BIRC6: variants seen among roughly 807,000 people sequenced by gnomAD.
BIRC6 encodes baculoviral IAP repeat containing 6.
BIRC6 carries 98 observed loss-of-function variants against 503.3 expected under a neutral mutation model. The ratio of observed to expected loss-of-function variants is 0.19; its 90% CI spans 0.17 to 0.23. BIRC6 has a LOEUF of 0.23. BIRC6 is among the 10% of genes least tolerant of loss of function. The pLI is 1.00. For missense variants in BIRC6, 5,360 were observed against 5,806.0 expected, an observed-to-expected ratio of 0.92 and a Z score of 2.50; for synonymous variants, 2,240 against 2,078.7, an observed-to-expected ratio of 1.08 and a Z score of -2.11.
Position 32,470,875 on chromosome 2 carries a change from T to C in BIRC6, c.6482-139T>C, listed in dbSNP as rs370906169. Reference sequence around the variant, plus strand: ...TGTTGGTGTCTATTTTTTAGACTTATTACATATAAATATTAGTGTTAGTAA... The same window carrying C: ...TGTTGGTGTCTATTTTTTAGACTTACTACATATAAATATTAGTGTTAGTAA... On this transcript the variant is annotated intron_variant, in intron 31 of 73. Coordinates refer to ENST00000421745, the MANE Select transcript of BIRC6 (RefSeq NM_016252.4). 1.1e-4 allele frequency: 93 copies of C among 839,752 alleles called. No individual in the cohort carries two copies. The East Asian group carries it at 2.3e-3, about 21-fold the overall frequency. 52.0% of individuals were successfully genotyped at this position (839,752 alleles called of 1,614,324 possible).
rs1216683701 is a variant in BIRC6, at chr2:32,454,915, T to C, written c.4753+973T>C. 2.0e-5 allele frequency among the ~76,000 whole-genome samples: 3 copies of C among 152,224 alleles called. No individual in the cohort carries two copies. In the East Asian group the frequency reaches 5.8e-4, roughly 29 times the overall value. ...AAAACCTAATATTTCCTTTATATGGTGATTCTAGAAAGGTCAGAATTAATT... is the reference window on the plus strand; with the variant it reads ...AAAACCTAATATTTCCTTTATATGGCGATTCTAGAAAGGTCAGAATTAATT... On this transcript the variant is annotated intron_variant, in intron 23 of 73. Transcript: ENST00000421745.
intron 65 of BIRC6, among the ~76,000 whole-genome samples, chr2:32,559,115 C>G: frequency 6.6e-6 from 1 of 152,130 alleles, no homozygotes; most frequent in Non-Finnish European, 1.5e-5. Context: ...CTACCAGTTA[C>G]TACTATAAAA....
At position 32,401,195 on chromosome 2, in the gene BIRC6, C is replaced by T; in HGVS notation, c.1067C>T (p.Pro356Leu). 6.2e-7 allele frequency: 1 copy of T among 1,613,976 alleles called. No homozygotes were observed. The highest frequency in any genetic ancestry group is 1.3e-5 in the African/African-American group (1 of 75,040). Residue 356 changes from proline (P) to leucine (L), a missense_variant, in exon 7 of 74, where the codon CCA becomes CTA. Physicochemically the swap from Pro to Leu is moderately conservative, Grantham distance 98 (BLOSUM62 -3). Transcript: ENST00000421745. Reference protein sequence around the residue: ...SEHERHSPNCPFVKGEHTQNV... With the variant: ...SEHERHSPNCLFVKGEHTQNV... ...CACGAAAGACATTCCCCAAACTGCC[C>T]ATTTGTGAAAGGTGAGCACACACAG...
intron 8 of BIRC6, among the ~76,000 whole-genome samples, chr2:32,402,892 A>G (rs967989830): frequency 6.6e-6 from 1 of 152,208 alleles, no homozygotes; most frequent in South Asian, 2.1e-4. Flanking sequence ...CTAGGATTAC[A>G]TACACCCATA....
chr2:32,504,977 T>C lies in BIRC6; in HGVS notation c.9500-28T>C, dbSNP rs376072207. 1.3e-5 allele frequency: 21 copies of C among 1,570,586 alleles called. No homozygotes were observed. The East Asian group carries it at 2.3e-4, about 17-fold the overall frequency. On this transcript the variant is annotated intron_variant, in intron 49 of 73. Coordinates refer to ENST00000421745, the MANE Select transcript of BIRC6 (RefSeq NM_016252.4). ...TTATTATGTTTCTTTTGCAAGTTCTTATAATTTATGTAAAATATCTTCTCT... is the reference window on the plus strand; with the variant it reads ...TTATTATGTTTCTTTTGCAAGTTCTCATAATTTATGTAAAATATCTTCTCT...
intron 61 of BIRC6, among the ~76,000 whole-genome samples, chr2:32,538,488 G>C (rs2057409889): frequency 6.6e-6 from 1 of 152,072 alleles, no homozygotes; most frequent in African/African-American, 2.4e-5. Flanking sequence ...GAGAAATAAG[G>C]GAAAAATCAA....
At chr2:32,615,892 G>A (rs1572426271) in intron 73 of BIRC6, among the ~76,000 whole-genome samples, 1 of 152,080 alleles carries the variant, frequency 6.6e-6, no homozygotes, top group East Asian at 1.9e-4. Context: ...CATGGCCTCC[G>A]AAAGTGCTGG....
intron 1 of BIRC6, among the ~76,000 whole-genome samples, chr2:32,358,071 G>C (rs1160396952): frequency 7.0e-6 from 1 of 142,746 alleles, no homozygotes; most frequent in African/African-American, 2.6e-5. Context: ...TGGTGGGGGT[G>C]GGGAGGGAAG....
chr2:32,611,253 A>G (rs1415100991), intron 72 of BIRC6, among the ~76,000 whole-genome samples, 195 bp from the exon 73 acceptor site: 1 of 151,874 alleles, frequency 6.6e-6, no homozygotes. Flanking sequence ...ATGGATAGAA[A>G]AACATTGCAG....
At chr2:32,493,263 G>A (rs559621355) in intron 44 of BIRC6, among the ~76,000 whole-genome samples, 3 of 151,934 alleles carry the variant, frequency 2.0e-5, no homozygotes, top group African/African-American at 7.2e-5. Context: ...GTGTAATTCA[G>A]GTGAACTTTT....
rs746439631 is a variant in BIRC6 at position 32,510,560 on chromosome 2, T to C, written c.10272T>C (p.Asn3424=). The change falls in exon 53 of 74, where the codon AAT becomes AAC. Residue 3424 remains asparagine, a synonymous_variant. Coordinates refer to ENST00000421745, the MANE Select transcript of BIRC6 (RefSeq NM_016252.4). ...LNSPLLFGRL[N]GLSSDSTIDI... ...GTCCTTTACTTTTTGGAAGACTAAA[T>C]GGACTCTCTTCTGACTCTACGATAG... The C allele has an allele frequency of 3.1e-6, 5 of 1,608,926 alleles. No homozygotes were observed. Among genetic ancestry groups the C allele is most frequent in the Non-Finnish European group, 4.3e-6 (5 of 1,175,396 alleles).
intron 10 of BIRC6, among the ~76,000 whole-genome samples, chr2:32,419,013 C>T (rs1023320888): frequency 3.3e-5 from 5 of 152,104 alleles, no homozygotes; most frequent in African/African-American, 4.8e-5. Context: ...TGGTACAGTC[C>T]GGAATTCCTA....
At chr2:32,549,015 C>G in intron 64 of BIRC6, 1 of 188,804 alleles carries the variant, frequency 5.3e-6, no homozygotes, top group Non-Finnish European at 1.1e-5. Context: ...TGAATTGAGT[C>G]TATTCAATAA....
At chr2:32,462,837 T>C (rs1249276579) in intron 23 of BIRC6, among the ~76,000 whole-genome samples, 7 of 151,154 alleles carry the variant, frequency 4.6e-5, no homozygotes, top group Non-Finnish European at 7.4e-5. Flanking sequence ...ATGCCTCTAA[T>C]CCCAGCTACT....
intron 1 of BIRC6, among the ~76,000 whole-genome samples, chr2:32,376,929 T>G (rs1203274507): frequency 2.0e-5 from 3 of 152,188 alleles, no homozygotes; most frequent in African/African-American, 7.2e-5. Flanking sequence ...GTTTTTGGGC[T>G]TCTATTGACT....
intron 9 of BIRC6, among the ~76,000 whole-genome samples, chr2:32,413,118 A>G (rs2149980192): frequency 6.6e-6 from 1 of 150,422 alleles, no homozygotes; most frequent in East Asian, 2.0e-4. Context: ...AGGTTATTCT[A>G]GTGCCTCAGC....
At chr2:32,562,016 T>C (rs899028251) in intron 65 of BIRC6, among the ~76,000 whole-genome samples, 4 of 152,096 alleles carry the variant, frequency 2.6e-5, no homozygotes, top group Non-Finnish European at 4.4e-5. Context: ...CACTCCAGCC[T>C]GAGTGACAGA....
intron 61 of BIRC6, among the ~76,000 whole-genome samples, chr2:32,537,370 C>T (rs896651418): frequency 6.6e-6 from 1 of 152,152 alleles, no homozygotes; most frequent in African/African-American, 2.4e-5. Context: ...AAGTAAAGCA[C>T]TCCTCAGCAA....
chr2:32,455,933 G>A (rs1274443420), intron 23 of BIRC6, among the ~76,000 whole-genome samples: 2 of 152,154 alleles, frequency 1.3e-5, no homozygotes, highest in African/African-American at 4.8e-5. Flanking sequence ...GCTGAAAGAT[G>A]ATTGTAGTCT....
Sources: gnomAD v4.1 joint callset for allele counts (sites outside exome capture counted in the v4.1 genomes callset) on GRCh38, gnomAD v4.1.1 for gene constraint, MANE v1.5 for transcripts, NCBI Gene and HGNC (gene_info 2026-07-23, HGNC 2026-07-21) for gene names.